Variants in TTC39B observed in about 807,000 individuals in gnomAD.
TTC39B encodes tetratricopeptide repeat protein 39B.
Under a neutral mutation model 96.6 loss-of-function variants are expected in TTC39B, and 92 were observed. The observed-to-expected ratio is 0.95, with a 90% CI of 0.80 to 1.13. TTC39B has a LOEUF of 1.13. Among genes scored for constraint, TTC39B ranks in the 50% most tolerant of loss-of-function variants. The pLI is 0.00. For synonymous variants in TTC39B, 367 were observed against 299.4 expected (o/e 1.23, Z -2.33); for missense variants, 955 against 809.3 (o/e 1.18, Z -2.18).
intron 1 of TTC39B, among the ~76,000 whole-genome samples, chr9:15,281,647 AAAAT>A (rs1158397770): frequency 8.7e-4 from 129 of 147,640 alleles, no homozygotes; most frequent in Admixed American, 1.5e-3. Flanking sequence ...AAAAAAAAAA[AAAAT>A]GGCAAAAAGC....
intron 7 of TTC39B, 118 bp from the exon 8 acceptor site, chr9:15,200,043 G>T: frequency 1.8e-6 from 1 of 557,562 alleles, no homozygotes; most frequent in African/African-American, 2.0e-5. Flanking sequence ...AAAGTATTTT[G>T]AGGACATAAT....
intron 6 of TTC39B, among the ~76,000 whole-genome samples, chr9:15,205,550 A>C (rs1819797304): frequency 1.3e-5 from 2 of 152,182 alleles, no homozygotes; most frequent in South Asian, 4.1e-4. Flanking sequence ...TAACAGACCA[A>C]ACTTGAGGAG....
chr9:15,234,088 C>A (rs911939443), intron 2 of TTC39B, among the ~76,000 whole-genome samples: 1 of 150,726 alleles, frequency 6.6e-6, no homozygotes, highest in Non-Finnish European at 1.5e-5. Context: ...GGCCGCGACC[C>A]CATCTGGGAG....
At chr9:15,180,933 G>A (rs1023098094) in intron 17 of TTC39B, among the ~76,000 whole-genome samples, 2 of 152,126 alleles carry the variant, frequency 1.3e-5, no homozygotes, top group African/African-American at 4.8e-5. Flanking sequence ...AGTATGGCAT[G>A]TCTGTCTGTC....
intron 4 of TTC39B, among the ~76,000 whole-genome samples, chr9:15,212,917 T>C (rs1484170672): frequency 1.3e-5 from 2 of 152,124 alleles, no homozygotes; most frequent in Admixed American, 6.5e-5. Context: ...ATAGAGAAAT[T>C]ATAATTAACA....
intron 1 of TTC39B, among the ~76,000 whole-genome samples, chr9:15,300,737 T>G (rs1364772695): frequency 2.0e-5 from 3 of 151,650 alleles, no homozygotes; most frequent in Non-Finnish European, 4.4e-5. Flanking sequence ...AATACAAAAA[T>G]TAGCTGGGCG....
intron 2 of TTC39B, among the ~76,000 whole-genome samples, chr9:15,262,285 G>C (rs1822974262): frequency 6.6e-6 from 1 of 152,082 alleles, no homozygotes; most frequent in Admixed American, 6.6e-5. Context: ...TTTTAGTACA[G>C]ATGGGGTTTT....
chr9:15,283,385 C>G (rs1173418744), intron 1 of TTC39B, among the ~76,000 whole-genome samples: 1 of 152,228 alleles, frequency 6.6e-6, no homozygotes, highest in Non-Finnish European at 1.5e-5. Context: ...GTACACCAAG[C>G]ATTAGCTTTT....
chr9:15,277,267 A>G (rs1314571248), intron 1 of TTC39B, among the ~76,000 whole-genome samples: 1 of 152,180 alleles, frequency 6.6e-6, no homozygotes, highest in Admixed American at 6.5e-5. Context: ...CGCATCTACT[A>G]AAAATACAAA....
intron 18 of TTC39B, among the ~76,000 whole-genome samples, chr9:15,177,288 G>A (rs1817993001): frequency 6.6e-6 from 1 of 151,816 alleles, no homozygotes; most frequent in African/African-American, 2.4e-5. Context: ...AGCCATGATT[G>A]TACTACTTGC....
At chr9:15,265,750 G>A (rs1156311256) in intron 2 of TTC39B, among the ~76,000 whole-genome samples, 1 of 152,140 alleles carries the variant, frequency 6.6e-6, no homozygotes, top group East Asian at 1.9e-4. Context: ...CATTGATATC[G>A]TGGATCTTTG....
chr9:15,298,311 T>G (rs1824455068), intron 1 of TTC39B, among the ~76,000 whole-genome samples: 2 of 152,228 alleles, frequency 1.3e-5, no homozygotes, highest in South Asian at 4.1e-4. Flanking sequence ...CTCTCCAGCT[T>G]GCAGACAGCA....
exon 20 of TTC39B, chr9:15,169,856 A>G (rs1196802531): frequency 6.6e-6 from 1 of 152,176 alleles, no homozygotes; most frequent in African/African-American, 2.4e-5. Flanking sequence ...GGCCACTCTA[A>G]GCTTAAAACT....
intron 1 of TTC39B, among the ~76,000 whole-genome samples, chr9:15,296,334 G>A (rs1046135466): frequency 6.6e-6 from 1 of 152,170 alleles, no homozygotes; most frequent in African/African-American, 2.4e-5. Flanking sequence ...CAGTTTACAG[G>A]CATCCGTTTA....
At chr9:15,264,859 A>G (rs1296652801) in intron 2 of TTC39B, among the ~76,000 whole-genome samples, 1 of 152,032 alleles carries the variant, frequency 6.6e-6, no homozygotes, top group African/African-American at 2.4e-5. Flanking sequence ...AAGCATCTCC[A>G]TCACAGGAGT....
chr9:15,187,803 G>A lies in TTC39B; in HGVS notation c.1395+168C>T, dbSNP rs115796468. 3.8e-3 allele frequency among the ~76,000 whole-genome samples: 580 copies of A among 152,330 alleles called. 5 individuals are homozygous for A. The highest frequency in any genetic ancestry group is 0.013 in the African/African-American group (533 of 41,568). On this transcript the variant is annotated intron_variant, in intron 14 of 19. Transcript: ENST00000512701. ...GGCTTTTAAAGCATGCAATGCTGAG[G>A]ACAGTACCTATAAATAGTGGGTACT...
At chr9:15,285,515 T>A (rs1027273832) in intron 1 of TTC39B, among the ~76,000 whole-genome samples, 3 of 152,200 alleles carry the variant, frequency 2.0e-5, no homozygotes, top group African/African-American at 7.2e-5. Flanking sequence ...CGTATAAATG[T>A]ATACGCCTAT....
At chr9:15,184,748 C>T (rs1026855038) in intron 16 of TTC39B, among the ~76,000 whole-genome samples, 2 of 152,180 alleles carry the variant, frequency 1.3e-5, no homozygotes, top group African/African-American at 4.8e-5. Context: ...GTAAAAGACA[C>T]ACTAAATTTC....
At chr9:15,288,666 A>G (rs1437231935) in intron 1 of TTC39B, among the ~76,000 whole-genome samples, 1 of 152,226 alleles carries the variant, frequency 6.6e-6, no homozygotes, top group African/African-American at 2.4e-5. Context: ...CTGGGTACCA[A>G]GAGGACACTA....
Sources: allele counts gnomAD v4.1 joint callset (sites outside exome capture counted in the v4.1 genomes callset), GRCh38; gene constraint gnomAD v4.1.1; transcripts MANE v1.5; gene names NCBI Gene and HGNC (gene_info 2026-07-23, HGNC 2026-07-21).